INSL6: variants seen among roughly 807,000 people sequenced by gnomAD.
The protein encoded by INSL6 is insulin like 6, also known as insulin-like peptide INSL6.
In INSL6, 16 loss-of-function variants were observed where a neutral mutation model predicts 9.4. The observed-to-expected ratio is 1.70, with a 90% CI of 1.15 to 2.59. The LOEUF is 2.59. INSL6 is among the 30% of genes most tolerant of loss of function. INSL6 has a pLI of 0.00. For synonymous variants in INSL6, 154 were observed against 96.9 expected (o/e 1.59, Z -3.46); for missense variants, 391 against 257.3 (o/e 1.52, Z -3.56).
At chr9:5,029,682 T>C in the INSL6 span, 1 of 1,078,762 alleles carries the variant, frequency 9.3e-7, no homozygotes, top group Non-Finnish European at 1.3e-6. Flanking sequence ...TTTGTTCCGA[T>C]TTTAAGAGTT....
the INSL6 span, among the ~76,000 whole-genome samples, chr9:5,020,143 G>A: frequency 6.6e-6 from 1 of 152,286 alleles, no homozygotes; most frequent in South Asian, 2.1e-4. Flanking sequence ...ACCTCTGGCT[G>A]TCCAGTTGTC....
intron 2 of INSL6, among the ~76,000 whole-genome samples, chr9:5,140,193 C>A (rs539404596): frequency 2.0e-5 from 3 of 152,196 alleles, no homozygotes; most frequent in African/African-American, 7.2e-5. Context: ...AGAATCAATA[C>A]TGCAAAACCA....
chr9:5,004,497 A>G, the INSL6 span, among the ~76,000 whole-genome samples: 3 of 152,144 alleles, frequency 2.0e-5, no homozygotes, highest in East Asian at 1.9e-4. Context: ...ATTATATTCT[A>G]TTGTGTACAT....
chr9:5,079,618 G>A, the INSL6 span, among the ~76,000 whole-genome samples: 63 of 152,002 alleles, frequency 4.1e-4, no homozygotes, highest in African/African-American at 1.5e-3. Flanking sequence ...AAAGTATCAT[G>A]GGGCAATTTT....
chr9:5,145,517 G>C lies in INSL6; in HGVS notation c.377-11925C>G, dbSNP rs760456578. Among the ~76,000 whole-genome samples the C allele has an allele frequency of 7.2e-5, 11 of 152,132 alleles. 1 individual carries two copies. The highest frequency in any genetic ancestry group is 1.5e-4 in the Non-Finnish European group (10 of 68,024). On this transcript the variant is annotated intron_variant, in intron 2 of 3. Coordinates refer to the INSL6 transcript ENST00000649639. ...AACGTTTGCCTGTCTTGCTAGGTTGGGAAAGTTCTCATGGATGATATCCTG... is the reference window on the plus strand; with the variant it reads ...AACGTTTGCCTGTCTTGCTAGGTTGCGAAAGTTCTCATGGATGATATCCTG...
At chr9:5,173,310 A>G (rs997842302) in intron 1 of INSL6, among the ~76,000 whole-genome samples, 1 of 152,104 alleles carries the variant, frequency 6.6e-6, no homozygotes, top group Non-Finnish European at 1.5e-5. Context: ...ACAAAGATGC[A>G]TATGTTCATT....
the INSL6 span, among the ~76,000 whole-genome samples, chr9:5,086,511 CA>C: frequency 6.6e-6 from 1 of 152,076 alleles, no homozygotes; most frequent in Non-Finnish European, 1.5e-5. Context: ...CATCTTGGTC[CA>C]CATTCCTTGA....
chr9:5,048,627 C>T, the INSL6 span, among the ~76,000 whole-genome samples: 1 of 151,980 alleles, frequency 6.6e-6, no homozygotes, highest in Non-Finnish European at 1.5e-5. Context: ...ACGTTTAGGC[C>T]TTTGTTTTGG....
the INSL6 span, among the ~76,000 whole-genome samples, chr9:5,003,902 C>T: frequency 2.0e-5 from 3 of 152,032 alleles, no homozygotes; most frequent in East Asian, 5.8e-4. Context: ...AAATCATGAA[C>T]ATTGGTTAAA....
chr9:5,088,213 T>G, the INSL6 span, among the ~76,000 whole-genome samples: 1 of 152,002 alleles, frequency 6.6e-6, no homozygotes, highest in African/African-American at 2.4e-5. Context: ...CAATCTGACT[T>G]GAGAGTCCTG....
At chr9:5,037,940 T>A in the INSL6 span, among the ~76,000 whole-genome samples, 1 of 152,194 alleles carries the variant, frequency 6.6e-6, no homozygotes, top group African/African-American at 2.4e-5. Flanking sequence ...AGTATGAAAT[T>A]TAAAACAGTG....
intron 2 of INSL6, among the ~76,000 whole-genome samples, chr9:5,138,539 A>G: frequency 6.6e-6 from 1 of 152,118 alleles, no homozygotes; most frequent in East Asian, 1.9e-4. Flanking sequence ...CAATAAGAAC[A>G]TATGGGCACA....
In INSL6 at chr9:5,176,454, A is replaced by G. The variant is rs73639268; in HGVS notation, c.289+8860T>C. Among the ~76,000 whole-genome samples the G allele has an allele frequency of 3.4e-3, 525 of 152,316 alleles. 2 individuals are homozygous for G. The highest frequency in any genetic ancestry group is 0.012 in the African/African-American group (516 of 41,572). On this transcript the variant is annotated intron_variant, in intron 1 of 1. Transcript: ENST00000381641. ...CTGTTTTGTCCACTGACATATTCCC[A>G]AGATTCTAAAATTGTGCCTGGATGC...
the INSL6 span, among the ~76,000 whole-genome samples, chr9:5,039,266 C>A: frequency 6.6e-5 from 10 of 152,204 alleles, no homozygotes; most frequent in Middle Eastern, 3.4e-3. Flanking sequence ...ATTAAACCAA[C>A]TGCAGATTGA....
intron 2 of INSL6, among the ~76,000 whole-genome samples, chr9:5,137,935 A>G (rs960788579): frequency 2.0e-5 from 3 of 150,436 alleles, no homozygotes; most frequent in African/African-American, 4.9e-5. Flanking sequence ...ATGAACAGAC[A>G]TTTCTCAAAA....
intron 2 of INSL6, among the ~76,000 whole-genome samples, chr9:5,153,731 A>C (rs1209995538): frequency 6.6e-6 from 1 of 152,200 alleles, no homozygotes; most frequent in Non-Finnish European, 1.5e-5. Flanking sequence ...AACTGCTACT[A>C]AGAGAATGTA....
the INSL6 span, among the ~76,000 whole-genome samples, chr9:5,014,871 C>T: frequency 6.6e-6 from 1 of 151,894 alleles, no homozygotes; most frequent in African/African-American, 2.4e-5. Context: ...GTCTATCTTG[C>T]AGAAGTAACC....
chr9:5,130,199 A>G (rs1238959388), intron 3 of INSL6, among the ~76,000 whole-genome samples: 6 of 152,170 alleles, frequency 3.9e-5, no homozygotes. Flanking sequence ...CCTTTAAAGG[A>G]GCTCTAAGAG....
the INSL6 span, chr9:5,094,720 C>G: frequency 6.6e-6 from 1 of 152,112 alleles, no homozygotes; most frequent in Non-Finnish European, 1.5e-5. Context: ...GAATATGCTG[C>G]AAGTTCATTT....
Sources: allele counts gnomAD v4.1 joint callset (sites outside exome capture counted in the v4.1 genomes callset), GRCh38; gene constraint gnomAD v4.1.1; transcripts MANE v1.5; gene names NCBI Gene and HGNC (gene_info 2026-07-23, HGNC 2026-07-21).